The following GDPD5 variants were observed in gnomAD, a reference collection of about 807,000 sequenced individuals.
GDPD5 encodes glycerophosphodiester phosphodiesterase domain containing 5, also known as glycerophosphodiester phosphodiesterase 2.
A neutral mutation model predicts 75.1 loss-of-function variants in GDPD5; 48 were observed. The observed-to-expected ratio is 0.64, with a 90% CI of 0.51 to 0.81. The LOEUF is 0.81. GDPD5 is among the 40% of genes least tolerant of loss of function. The probability of loss-of-function intolerance (pLI) is 0.00; values close to 1 mark genes in which losing one functional copy is unlikely to be tolerated. For synonymous variants in GDPD5, 336 were observed against 339.0 expected (o/e 0.99, Z 0.10); for missense variants, 706 against 822.6 (o/e 0.86, Z 1.73).
chr11:75,454,760 C>T (rs756382299), intron 6 of GDPD5, among the ~76,000 whole-genome samples: 25 of 152,204 alleles, frequency 1.6e-4, no homozygotes, highest in Non-Finnish European at 4.4e-5. Context: ...TGTACATGTG[C>T]ATGTGCTTAA....
chr11:75,468,755 G>A (rs2135328019), intron 3 of GDPD5, among the ~76,000 whole-genome samples: 1 of 151,528 alleles, frequency 6.6e-6, no homozygotes, highest in East Asian at 2.0e-4. Flanking sequence ...ATACCACACA[G>A]AACAAGGCCA....
Position 75,468,687 on chromosome 11 carries a change from C to G in GDPD5, c.118-5798G>C, listed in dbSNP as rs7116757. Among the ~76,000 whole-genome samples the G allele has an allele frequency of 8.3e-4, 127 of 152,250 alleles. 2 individuals are homozygous for G. The South Asian group carries it at 0.011, about 13-fold the overall frequency. Reference sequence around the variant, plus strand: ...TACTGCCCTCCCCCGACGCCCCCCCCCCGGGAGGTGGAGCTGAAATCTGCC... The same window carrying G: ...TACTGCCCTCCCCCGACGCCCCCCCGCCGGGAGGTGGAGCTGAAATCTGCC... On this transcript the variant is annotated intron_variant, in intron 3 of 16. Transcript: ENST00000336898.
At chr11:75,508,963 C>T (rs1950459539) in intron 1 of GDPD5, 1 of 152,296 alleles carries the variant, frequency 6.6e-6, no homozygotes, top group Non-Finnish European at 1.5e-5. Flanking sequence ...TACCTGAGGC[C>T]CTGCTGAAAT....
chr11:75,448,473 C>G, intron 9 of GDPD5: 3 of 985,748 alleles, frequency 3.0e-6, no homozygotes, highest in Non-Finnish European at 3.6e-6. Flanking sequence ...CAACATGGCT[C>G]TGGAGCCTGC....
intron 1 of GDPD5, among the ~76,000 whole-genome samples, chr11:75,499,666 G>A (rs1172951845): frequency 6.6e-6 from 1 of 152,156 alleles, no homozygotes; most frequent in Non-Finnish European, 1.5e-5. Flanking sequence ...TTCACCAGAA[G>A]GGAACACACA....
chr11:75,468,773 G>C (rs1217989987), intron 3 of GDPD5, among the ~76,000 whole-genome samples: 1 of 151,896 alleles, frequency 6.6e-6, no homozygotes, highest in Non-Finnish European at 1.5e-5. Context: ...CCAGCCAAAG[G>C]GTAAGAAATA....
chr11:75,510,858 C>G (rs72989923), intron 1 of GDPD5, among the ~76,000 whole-genome samples: 4,697 of 152,296 alleles, frequency 0.031, 116 homozygotes, highest in Non-Finnish European at 0.051. Context: ...TCACTCTCTG[C>G]CCCTCAGGAC....
chr11:75,504,924 G>A (rs1349120412), intron 1 of GDPD5, among the ~76,000 whole-genome samples: 3 of 152,104 alleles, frequency 2.0e-5, no homozygotes, highest in South Asian at 4.1e-4. Context: ...TCAGGAGTTC[G>A]AGACCAGCCC....
chr11:75,463,124 C>T (rs754879950), intron 3 of GDPD5, among the ~76,000 whole-genome samples: 4 of 152,218 alleles, frequency 2.6e-5, no homozygotes, highest in South Asian at 2.1e-4. Context: ...GGGCCTCCCC[C>T]CCTGGGGCTG....
At chr11:75,482,333 T>C (rs573524318) in intron 2 of GDPD5, among the ~76,000 whole-genome samples, 1 of 152,242 alleles carries the variant, frequency 6.6e-6, no homozygotes, top group African/African-American at 2.4e-5. Context: ...TTCTCTTCTG[T>C]ATGCTCTCCT....
Position 75,444,456 on chromosome 11 carries a change from G to A in GDPD5, c.754C>T (p.Leu252Phe). 6.2e-7 allele frequency: 1 copy of A among 1,613,846 alleles called. No homozygotes were observed. ...EHTLMSFRKA[L>F]EQKLYGLQAD... ...TGGAGCCCGTACAGCTTCTGCTCGA[G>A]GGCCTTCCGGAAGGACATGAGCGTG... Residue 252 changes from leucine to phenylalanine, a missense_variant, in exon 10 of 17, where the codon CTC (leucine) becomes TTC (phenylalanine). Coordinates refer to ENST00000336898, the MANE Select transcript of GDPD5 (RefSeq NM_030792.8).
chr11:75,441,745 T>C lies in GDPD5; in HGVS notation c.1226A>G (p.Gln409Arg), dbSNP rs935833792. 1.2e-6 allele frequency: 2 copies of C among 1,611,600 alleles called. No homozygotes were observed. The highest frequency in any genetic ancestry group is 2.7e-5 in the African/African-American group (2 of 74,912). ...TGCCTCCTTGGAGCCTGATGTCTGT[T>C]GGAAGCCGGGAGCCACCTTCCGCAC... ...PLVRKVAPGF[Q>R]QTSGSKEAVA... Residue 409 changes from glutamine to arginine, a missense_variant, in exon 13 of 17, where the codon CAA (glutamine) becomes CGA (arginine). By Grantham distance (43) the Gln-to-Arg change is conservative. Coordinates refer to ENST00000336898, the MANE Select transcript of GDPD5 (RefSeq NM_030792.8).
chr11:75,448,832 C>T lies in GDPD5; in HGVS notation c.714+145G>A, dbSNP rs73494848. The T allele has an allele frequency of 8.3e-3, 9,743 of 1,172,616 alleles. 185 individuals carry two copies. Among genetic ancestry groups the T allele is most frequent in the South Asian group, 0.059 (3,016 of 50,770 alleles). 72.6% of individuals were successfully genotyped at this position (1,172,616 alleles called of 1,614,324 possible). On this transcript the variant is annotated intron_variant, in intron 9 of 16. Transcript: ENST00000336898. ...AGATGTGCTTCCATCCCAGCACTCCCGGCCTTTTTGCCAGTCCTTCCCATG... is the reference window on the plus strand; with the variant it reads ...AGATGTGCTTCCATCCCAGCACTCCTGGCCTTTTTGCCAGTCCTTCCCATG...
chr11:75,441,179 G>T lies in GDPD5; in HGVS notation c.1457C>A (p.Ser486Tyr). 1 of 1,613,846 alleles carries T rather than the reference G, an allele frequency of 6.2e-7. No homozygotes were observed. The highest frequency in any genetic ancestry group is 1.1e-5 in the South Asian group (1 of 91,070). The part of the protein sequence containing the change: ...DNSHALSQVP[S>Y]PLWIMPPDEY... Reference sequence around the variant, plus strand: ...CCAACTCACCATGATCCAGAGGGGGGAAGGCACCTGGGACAGGGCGTGGGA... The same window carrying T: ...CCAACTCACCATGATCCAGAGGGGGTAAGGCACCTGGGACAGGGCGTGGGA... Residue 486 changes from serine (S) to tyrosine (Y), a missense_variant, in exon 14 of 17, where the codon TCC (serine) becomes TAC (tyrosine). Physicochemically the swap from Ser to Tyr is moderately radical, Grantham distance 144. Coordinates refer to ENST00000336898, the MANE Select transcript of GDPD5 (RefSeq NM_030792.8).
At chr11:75,500,901 AAACTC>A (rs1182329456) in intron 1 of GDPD5, among the ~76,000 whole-genome samples, 2 of 152,062 alleles carry the variant, frequency 1.3e-5, no homozygotes, top group African/African-American at 4.8e-5. Context: ...GTCACCACTC[AAACTC>A]CTCCTGTAGG....
intron 1 of GDPD5, among the ~76,000 whole-genome samples, chr11:75,493,181 C>T (rs1168761369): frequency 6.6e-6 from 1 of 151,632 alleles, no homozygotes; most frequent in East Asian, 1.9e-4. Context: ...GGCAAGAAGA[C>T]CCACCCCCCG....
intron 15 of GDPD5, 179 bp from the exon 16 acceptor site, chr11:75,437,227 C>T (rs1948649873): frequency 1.7e-6 from 1 of 578,970 alleles, no homozygotes; most frequent in African/African-American, 1.9e-5. Context: ...TCAGAGCCTA[C>T]TGACTCTCGG....
intron 1 of GDPD5, among the ~76,000 whole-genome samples, chr11:75,521,842 T>C (rs1941470150): frequency 6.6e-6 from 1 of 151,906 alleles, no homozygotes. Flanking sequence ...GTGGTGTGTT[T>C]AGGAGACAGT....
At chr11:75,506,378 A>G (rs1950399711) in intron 1 of GDPD5, among the ~76,000 whole-genome samples, 1 of 152,140 alleles carries the variant, frequency 6.6e-6, no homozygotes, top group Non-Finnish European at 1.5e-5. Flanking sequence ...AACACAAGAG[A>G]GCAACCCCGG....
Sources: gnomAD v4.1 joint callset for allele counts (sites outside exome capture counted in the v4.1 genomes callset) on GRCh38, gnomAD v4.1.1 for gene constraint, MANE v1.5 for transcripts, NCBI Gene and HGNC (gene_info 2026-07-23, HGNC 2026-07-21) for gene names.